The following CDH8 variants were observed in gnomAD, a reference collection of about 807,000 sequenced individuals.
The protein encoded by CDH8 is cadherin 8.
In CDH8, 17 loss-of-function variants were observed where a neutral mutation model predicts 68.1. That is an observed-to-expected ratio of 0.25 (90% CI 0.17 to 0.37). CDH8 has a LOEUF of 0.37. CDH8 is among the 10% of genes least tolerant of loss of function. The pLI is 1.00. For missense variants in CDH8, 763 were observed against 999.3 expected (o/e 0.76, Z 3.19); for synonymous variants, 372 against 365.1 (o/e 1.02, Z -0.21).
chr16:61,752,353 C>T (rs1960189819), intron 8 of CDH8, among the ~76,000 whole-genome samples: 1 of 152,152 alleles, frequency 6.6e-6, no homozygotes, highest in Non-Finnish European at 1.5e-5. Context: ...TAATTTCTTA[C>T]ATTCAGTAAT....
In CDH8 at chr16:61,648,167, T is replaced by A; in HGVS notation, c.*5441A>T. On this transcript the variant is annotated 3_prime_UTR_variant, in exon 12 of 12. Coordinates refer to ENST00000577390, the MANE Select transcript of CDH8 (RefSeq NM_001796.5). ...GCATGTAATTTCTGTTTCTCTCACA[T>A]ATTTGATGTGTAATTTAACCCTGAA... 4.2e-6 allele frequency: 1 copy of A among 240,764 alleles called. No homozygotes were observed. The highest frequency in any genetic ancestry group is 8.0e-6 in the Non-Finnish European group (1 of 125,696). The allele number at this position is 240,764 out of a possible 1,614,324, so 14.9% of individuals were successfully genotyped here.
chr16:61,922,752 A>G (rs1422250268), intron 2 of CDH8, among the ~76,000 whole-genome samples: 1 of 152,208 alleles, frequency 6.6e-6, no homozygotes, highest in Non-Finnish European at 1.5e-5. Context: ...TCAAATGTAG[A>G]TTCATTCACA....
At position 61,768,062 on chromosome 16, in the gene CDH8, C is replaced by T. The variant is rs1439283930; in HGVS notation, c.1414+21284G>A. Among the ~76,000 whole-genome samples, 9 of 151,686 alleles carry T rather than the reference C, an allele frequency of 5.9e-5. 1 individual carries two copies. The highest frequency in any genetic ancestry group is 1.2e-4 in the Non-Finnish European group (8 of 67,844). On this transcript the variant is annotated intron_variant, in intron 8 of 11. Coordinates refer to ENST00000577390, the MANE Select transcript of CDH8 (RefSeq NM_001796.5). The stretch of plus-strand genomic sequence containing the variant: ...TGTCAAACACTGAGAAAATAAGGCT[C>T]AAGAAATGGTGGAATGGTAGCTGTT...
At chr16:61,677,555 G>C (rs1963937879) in intron 10 of CDH8, among the ~76,000 whole-genome samples, 1 of 151,820 alleles carries the variant, frequency 6.6e-6, no homozygotes, top group African/African-American at 2.4e-5. Flanking sequence ...AAATTACATA[G>C]AGAGGACAAA....
At chr16:61,702,510 G>A (rs1253685008) in intron 10 of CDH8, among the ~76,000 whole-genome samples, 1 of 152,142 alleles carries the variant, frequency 6.6e-6, no homozygotes, top group African/African-American at 2.4e-5. Flanking sequence ...TTGATATATA[G>A]TTGCTGCTCA....
At chr16:61,771,163 T>C (rs1258212277) in intron 8 of CDH8, among the ~76,000 whole-genome samples, 1 of 151,942 alleles carries the variant, frequency 6.6e-6, no homozygotes, top group Non-Finnish European at 1.5e-5. Context: ...TATTCACAGA[T>C]TTATTTTAGG....
chr16:61,769,981 T>G (rs1361973113), intron 8 of CDH8, among the ~76,000 whole-genome samples: 1 of 151,874 alleles, frequency 6.6e-6, no homozygotes, highest in Non-Finnish European at 1.5e-5. Flanking sequence ...TAGAGGATGT[T>G]TGCCCATCTA....
intron 10 of CDH8, among the ~76,000 whole-genome samples, chr16:61,665,760 C>CTTCT (rs145929559): frequency 1.6e-5 from 1 of 63,294 alleles, no homozygotes; most frequent in East Asian, 4.6e-4. Context: ...ATTTTCCTTC[C>CTTCT]TTCCTTCCTT....
At chr16:61,685,760 C>G (rs1316998188) in intron 10 of CDH8, among the ~76,000 whole-genome samples, 1 of 151,840 alleles carries the variant, frequency 6.6e-6, no homozygotes, top group East Asian at 1.9e-4. Flanking sequence ...CACTACTACC[C>G]TTTCCTGCAG....
Position 61,706,835 on chromosome 16 carries a change from C to T in CDH8, c.1654+7006G>A, listed in dbSNP as rs117581751. On this transcript the variant is annotated intron_variant, in intron 10 of 11. Coordinates refer to ENST00000577390, the MANE Select transcript of CDH8 (RefSeq NM_001796.5). ...CATAAGCTATGTATTTGCTAAGATA[C>T]TCCTGGCTTAAAAATTGGGTCATTC... is the stretch of plus-strand genomic sequence containing the variant. Among the ~76,000 whole-genome samples the T allele has an allele frequency of 5.6e-4, 86 of 152,224 alleles. 3 individuals are homozygous for T. In the East Asian group the frequency reaches 0.016, roughly 29 times the overall value.
At chr16:61,911,634 C>A (rs111471892) in intron 2 of CDH8, among the ~76,000 whole-genome samples, 3 of 109,668 alleles carry the variant, frequency 2.7e-5, no homozygotes, top group African/African-American at 8.9e-5. Flanking sequence ...CCCCCCCCCA[C>A]CACCTCTCTC....
At position 61,651,958 on chromosome 16, in the gene CDH8, G is replaced by T; in HGVS notation, c.*1650C>A. ...TTCTAGAATTTTAGTTTGAGTTGAT[G>T]ATTCTGTTAATAGATCTTCCACTGA... is the stretch of plus-strand genomic sequence containing the variant. On this transcript the variant is annotated 3_prime_UTR_variant, in exon 12 of 12. Coordinates refer to ENST00000577390, the MANE Select transcript of CDH8 (RefSeq NM_001796.5). The T allele has an allele frequency of 4.6e-6, 2 of 433,676 alleles. No individual in the cohort carries two copies. Among genetic ancestry groups the T allele is most frequent in the Non-Finnish European group, 6.1e-6 (2 of 326,256 alleles). The allele number at this position is 433,676 out of a possible 1,614,324, so 26.9% of individuals were successfully genotyped here.
In CDH8 at chr16:61,652,861, G is replaced by A; in HGVS notation, c.*747C>T. The A allele has an allele frequency of 6.6e-7, 1 of 1,523,278 alleles. No homozygotes were observed. The allele number at this position is 1,523,278 out of a possible 1,614,324, so 94.4% of individuals were successfully genotyped here. On this transcript the variant is annotated 3_prime_UTR_variant, in exon 12 of 12. Coordinates refer to ENST00000577390, the MANE Select transcript of CDH8 (RefSeq NM_001796.5). ...ATACAGTTTATCTTTGTGTCCTTGT[G>A]GAAGAAGATGAAGAGGAGGGAACGA...
Position 61,847,211 on chromosome 16 carries a change from T to C in CDH8, c.667+9908A>G, listed in dbSNP as rs77055805. ...TATTATTTGAACAACTATCATGAGA[T>C]GGGCCTGGTTCTAAGCCCTGCAATG... On this transcript the variant is annotated intron_variant, in intron 4 of 11. Coordinates refer to ENST00000577390, the MANE Select transcript of CDH8 (RefSeq NM_001796.5). Among the ~76,000 whole-genome samples the C allele has an allele frequency of 2.2e-3, 335 of 152,148 alleles. 6 individuals are homozygous for C. The highest frequency in any genetic ancestry group is 0.022 in the East Asian group (112 of 5,162).
chr16:61,746,429 A>C (rs1960022351), intron 8 of CDH8, among the ~76,000 whole-genome samples: 3 of 151,816 alleles, frequency 2.0e-5, no homozygotes, highest in Non-Finnish European at 2.9e-5. Context: ...CTGGTATCTG[A>C]GTTCCTTAGT....
At chr16:61,838,513 A>G (rs1242998343) in intron 4 of CDH8, among the ~76,000 whole-genome samples, 1 of 152,106 alleles carries the variant, frequency 6.6e-6, no homozygotes, top group Non-Finnish European at 1.5e-5. Context: ...CTGTTGATAA[A>G]AGACTGGTTC....
intron 3 of CDH8, among the ~76,000 whole-genome samples, chr16:61,870,202 C>G (rs1330387213): frequency 1.3e-5 from 2 of 152,172 alleles, no homozygotes; most frequent in Non-Finnish European, 2.9e-5. Flanking sequence ...TTACCAAGTT[C>G]TTGTCTCATT....
At chr16:61,913,567 A>C (rs1964192874) in intron 2 of CDH8, among the ~76,000 whole-genome samples, 1 of 152,124 alleles carries the variant, frequency 6.6e-6, no homozygotes, top group African/African-American at 2.4e-5. Flanking sequence ...TTCTAATTAA[A>C]TGCTAATAAT....
rs574235136 is a variant in CDH8, at chr16:61,863,261, T to C, written c.548-6023A>G. The stretch of plus-strand genomic sequence containing the variant: ...TTTAATTAACAAAAGGCTTACAGTA[T>C]CATGTGCCTCTTGCCACACCTGAAA... On this transcript the variant is annotated intron_variant, in intron 3 of 11. Transcript: ENST00000577390. Among the ~76,000 whole-genome samples the C allele has an allele frequency of 8.5e-5, 13 of 152,240 alleles. 1 individual carries two copies. In the South Asian group the frequency reaches 2.7e-3, roughly 32 times the overall value.
Sources: gnomAD v4.1 joint callset for allele counts (sites outside exome capture counted in the v4.1 genomes callset) on GRCh38, gnomAD v4.1.1 for gene constraint, MANE v1.5 for transcripts, NCBI Gene and HGNC (gene_info 2026-07-23, HGNC 2026-07-21) for gene names.